The following ANKDD1B variants were observed in gnomAD, a reference collection of about 807,000 sequenced individuals.
ANKDD1B encodes ankyrin repeat and death domain containing 1B.
ANKDD1B carries 57 observed loss-of-function variants against 59.7 expected under a neutral mutation model. The ratio of observed to expected loss-of-function variants is 0.95; its 90% CI spans 0.77 to 1.19. The LOEUF (loss-of-function observed/expected upper bound fraction) is 1.19. Among genes scored for constraint, ANKDD1B ranks in the 50% most tolerant of loss-of-function variants. ANKDD1B has a pLI of 0.00. For missense variants in ANKDD1B, 602 were observed against 641.9 expected (o/e 0.94, Z 0.67); for synonymous variants, 216 against 239.5 (o/e 0.90, Z 0.91).
chr5:75,664,244 C>T (rs1384798713), intron 11 of ANKDD1B, among the ~76,000 whole-genome samples: 1 of 152,210 alleles, frequency 6.6e-6, no homozygotes, highest in Non-Finnish European at 1.5e-5. Context: ...GTCCACCTGG[C>T]CAGTCTTGGG....
chr5:75,648,663 TCAG>T (rs1338194006), intron 7 of ANKDD1B, among the ~76,000 whole-genome samples: 1 of 152,162 alleles, frequency 6.6e-6, no homozygotes, highest in African/African-American at 2.4e-5. Flanking sequence ...CCCGAGTTCA[TCAG>T]CACACTTCTC....
chr5:75,640,438 C>T (rs1243962793), intron 7 of ANKDD1B, among the ~76,000 whole-genome samples: 1 of 152,096 alleles, frequency 6.6e-6, no homozygotes, highest in Non-Finnish European at 1.5e-5. Flanking sequence ...TTTAACTGTG[C>T]CAAAGCATAT....
Position 75,620,340 on chromosome 5 carries a change from C to T in ANKDD1B, c.323C>T (p.Ala108Val). The T allele has an allele frequency of 6.5e-7, 1 of 1,532,534 alleles. No individual in the cohort carries two copies. Among genetic ancestry groups the T allele is most frequent in the South Asian group, 1.2e-5 (1 of 83,914 alleles). The allele number at this position is 1,532,534 out of a possible 1,614,324, so 94.9% of individuals were successfully genotyped here. A position where few individuals can be genotyped will look rare whatever the true frequency, so the allele number is the denominator to read the frequency against. The change falls in exon 3 of 14, where the codon GCA (alanine) becomes GTA (valine). Residue 108 changes from alanine to valine, a missense_variant. Ala to Val is a moderately conservative substitution (Grantham distance 64, BLOSUM62 0). This residue lies in a region of ANKDD1B where 317 missense variants were observed against 304.6 expected (regional missense o/e 1.04). Transcript: ENST00000601380. ...NNMNRTALHF[A>V]VGRNHLSAVD... ...ATGAACCGCACAGCCCTGCATTTTG[C>T]AGTGGGGAGAAATCATTTATCTGCA...
chr5:75,650,278 C>T (rs771364431), intron 7 of ANKDD1B, among the ~76,000 whole-genome samples: 3 of 152,164 alleles, frequency 2.0e-5, no homozygotes, highest in Non-Finnish European at 2.9e-5. Flanking sequence ...TCATAAGGAT[C>T]CTTTAAAGAG....
chr5:75,644,290 GAC>G (rs1254893747), intron 7 of ANKDD1B, among the ~76,000 whole-genome samples: 2 of 67,474 alleles, frequency 3.0e-5, no homozygotes, highest in Non-Finnish European at 4.8e-5. Context: ...GCAATTAAAA[GAC>G]ACAGACTGGC....
intron 7 of ANKDD1B, among the ~76,000 whole-genome samples, chr5:75,644,814 C>T (rs1774594828): frequency 1.1e-5 from 1 of 89,840 alleles, no homozygotes. Context: ...AGCACCACAC[C>T]ACAGCTATTC....
chr5:75,655,732 A>G (rs1774957062), intron 8 of ANKDD1B, among the ~76,000 whole-genome samples: 1 of 152,226 alleles, frequency 6.6e-6, no homozygotes, highest in Non-Finnish European at 1.5e-5. Context: ...AAGATTCCTG[A>G]GAATGAGTTT....
At chr5:75,635,704 A>G in intron 6 of ANKDD1B, 80 bp from the exon 7 acceptor site, 2 of 875,112 alleles carry the variant, frequency 2.3e-6, no homozygotes, top group Non-Finnish European at 3.4e-6. Flanking sequence ...ACTTCCAGAA[A>G]CTCCATTGCA....
intron 5 of ANKDD1B, among the ~76,000 whole-genome samples, chr5:75,630,658 T>C (rs890180865): frequency 1.3e-5 from 2 of 152,244 alleles, no homozygotes; most frequent in Non-Finnish European, 2.9e-5. Context: ...CTGATAAATA[T>C]GTATTAGTTA....
At chr5:75,615,464 T>C (rs1361529587) in intron 1 of ANKDD1B, among the ~76,000 whole-genome samples, 3 of 152,054 alleles carry the variant, frequency 2.0e-5, no homozygotes, top group African/African-American at 7.2e-5. Context: ...ATAGAAAGAA[T>C]GAACATGTGA....
intron 13 of ANKDD1B, among the ~76,000 whole-genome samples, chr5:75,670,749 G>A (rs1165810187): frequency 2.0e-5 from 3 of 152,194 alleles, no homozygotes; most frequent in Non-Finnish European, 4.4e-5. Flanking sequence ...GTGTTCTGAC[G>A]CAAGGCTGTG....
At chr5:75,635,975 G>A in intron 7 of ANKDD1B, 93 bp downstream of exon 7, 1 of 738,812 alleles carries the variant, frequency 1.4e-6, no homozygotes, top group East Asian at 2.8e-5. Flanking sequence ...AAACAAAGGT[G>A]TTAGTGCCAT....
At chr5:75,635,237 G>T in intron 6 of ANKDD1B, 1 of 360,320 alleles carries the variant, frequency 2.8e-6, no homozygotes, top group Non-Finnish European at 5.2e-6. Flanking sequence ...TAGACCACAT[G>T]GATTTTTCCA....
intron 7 of ANKDD1B, among the ~76,000 whole-genome samples, chr5:75,650,367 G>A (rs1396276158): frequency 6.6e-6 from 1 of 152,142 alleles, no homozygotes; most frequent in Non-Finnish European, 1.5e-5. Flanking sequence ...TGACAATGGA[G>A]CAAGGGGGTG....
intron 8 of ANKDD1B, among the ~76,000 whole-genome samples, chr5:75,653,885 A>G (rs1774893297): frequency 6.6e-6 from 1 of 152,218 alleles, no homozygotes; most frequent in Non-Finnish European, 1.5e-5. Context: ...TGTTGGGGGA[A>G]TTGACTCTGA....
At chr5:75,612,876 G>A (rs1773607971) in intron 1 of ANKDD1B, among the ~76,000 whole-genome samples, 1 of 152,184 alleles carries the variant, frequency 6.6e-6, no homozygotes, top group Non-Finnish European at 1.5e-5. Context: ...GAGGAATCAT[G>A]CCTACATCAA....
intron 2 of ANKDD1B, 81 bp downstream of exon 2, chr5:75,616,988 A>T (rs1653001549): frequency 3.2e-6 from 2 of 631,532 alleles, no homozygotes; most frequent in South Asian, 2.5e-5. Context: ...ATAATAATAA[A>T]AATAAAAATC....
In ANKDD1B at chr5:75,662,767, C is replaced by T. The variant is rs532015913; in HGVS notation, c.1096-627C>T. Among the ~76,000 whole-genome samples the T allele has an allele frequency of 3.3e-5, 5 of 152,190 alleles. No homozygotes were observed. In the East Asian group the frequency reaches 9.7e-4, roughly 29 times the overall value. On this transcript the variant is annotated intron_variant, in intron 10 of 13. Coordinates refer to ENST00000601380, the MANE Select transcript of ANKDD1B (RefSeq NM_001276713.2). ...TTCATTCCCAAAATTATGTCCAGAA[C>T]AGCCCTTGTTGATCATTCCATTTGT... is the stretch of plus-strand genomic sequence containing the variant.
chr5:75,611,700 T>C lies in ANKDD1B; in HGVS notation c.66T>C (p.Ala22=). ...CAGGGGGGCTGCTGCTCCGGGCTGC[T>C]GCGGCCGCCAAGGGTCTCAGGGAAG... The part of the protein sequence containing the change: ...ATAGGLLLRA[A]AAAKGLREDL... The change falls in exon 1 of 14, where the codon GCT becomes GCC. Residue 22 remains alanine, a synonymous_variant. Transcript: ENST00000601380. The C allele has an allele frequency of 8.1e-7, 1 of 1,231,720 alleles. No individual in the cohort carries two copies. The highest frequency in any genetic ancestry group is 1.0e-6 in the Non-Finnish European group (1 of 988,110). 76.3% of individuals were successfully genotyped at this position (1,231,720 alleles called of 1,614,324 possible).
Sources: allele counts gnomAD v4.1 joint callset (sites outside exome capture counted in the v4.1 genomes callset), GRCh38; gene constraint gnomAD v4.1.1; regional missense constraint gnomAD v4.1.1; transcripts MANE v1.5; gene names NCBI Gene and HGNC (gene_info 2026-07-23, HGNC 2026-07-21).